The following PTPRD variants were observed in gnomAD, a reference collection of about 807,000 sequenced individuals.
PTPRD encodes the protein receptor-type tyrosine-protein phosphatase delta.
PTPRD carries 34 observed loss-of-function variants against 214.5 expected under a neutral mutation model. The ratio of observed to expected loss-of-function variants is 0.16; its 90% CI spans 0.12 to 0.21. The LOEUF (loss-of-function observed/expected upper bound fraction) is 0.21. Ranked by LOEUF, PTPRD falls within the 10% of genes least tolerant of loss-of-function variation. The probability of loss-of-function intolerance (pLI) is 1.00; values close to 1 mark genes in which losing one functional copy is unlikely to be tolerated. For synonymous variants in PTPRD, 1,128 were observed against 845.7 expected, an observed-to-expected ratio of 1.33 and a Z score of -5.79; for missense variants, 2,545 against 2,398.7, an observed-to-expected ratio of 1.06 and a Z score of -1.27.
chr9:10,079,039 C>T (rs994037350), intron 3 of PTPRD, among the ~76,000 whole-genome samples: 1 of 151,960 alleles, frequency 6.6e-6, no homozygotes, highest in African/African-American at 2.4e-5. Flanking sequence ...ATTATGTGCA[C>T]ATAACTTTCA....
intron 4 of PTPRD, among the ~76,000 whole-genome samples, chr9:9,965,656 T>A (rs925435255): frequency 6.6e-6 from 1 of 152,306 alleles, no homozygotes; most frequent in East Asian, 1.9e-4. Flanking sequence ...CTAAGAATTA[T>A]CTGGAGCCAC....
intron 3 of PTPRD, among the ~76,000 whole-genome samples, chr9:10,276,265 AT>A (rs1344472837): frequency 6.6e-6 from 1 of 152,228 alleles, no homozygotes; most frequent in Non-Finnish European, 1.5e-5. Context: ...GAAATGTCAC[AT>A]GTTCAGCTCA....
chr9:9,597,095 T>C (rs1479361139), intron 7 of PTPRD, among the ~76,000 whole-genome samples: 1 of 151,950 alleles, frequency 6.6e-6, no homozygotes, highest in Non-Finnish European at 1.5e-5. Flanking sequence ...CGAATGAAAG[T>C]AATCAGTGAG....
intron 5 of PTPRD, among the ~76,000 whole-genome samples, chr9:9,889,350 T>A (rs1341704939): frequency 2.0e-5 from 3 of 152,310 alleles, no homozygotes; most frequent in Non-Finnish European, 4.4e-5. Context: ...GTATATATGC[T>A]TCAAAACATC....
intron 7 of PTPRD, among the ~76,000 whole-genome samples, chr9:9,714,583 T>A (rs1234564106): frequency 6.6e-6 from 1 of 152,242 alleles, no homozygotes; most frequent in Non-Finnish European, 1.5e-5. Context: ...AGTAACCCTG[T>A]ATTTCTTTAG....
chr9:9,425,737 G>A lies in PTPRD; in HGVS notation c.-236-28255C>T, dbSNP rs554691930. 7.9e-5 allele frequency among the ~76,000 whole-genome samples: 12 copies of A among 152,112 alleles called. No homozygotes were observed. The South Asian group carries it at 2.5e-3, about 32-fold the overall frequency. ...AAAGGTAGCTTCTTGAGATATTTCT[G>A]CATACAGATTCAATTACATTTGGTT... is the stretch of plus-strand genomic sequence containing the variant. On this transcript the variant is annotated intron_variant, in intron 8 of 45. Coordinates refer to ENST00000381196, the MANE Select transcript of PTPRD (RefSeq NM_002839.4).
chr9:9,122,570 GT>G (rs2099818610), intron 10 of PTPRD, among the ~76,000 whole-genome samples: 2 of 152,118 alleles, frequency 1.3e-5, no homozygotes, highest in Non-Finnish European at 2.9e-5. Context: ...TTAGCTAAAT[GT>G]TTAAGAGGAT....
chr9:8,563,565 T>C (rs2087418803), intron 14 of PTPRD, among the ~76,000 whole-genome samples: 1 of 151,456 alleles, frequency 6.6e-6, no homozygotes, highest in Non-Finnish European at 1.5e-5. Flanking sequence ...GCCTCCTGAG[T>C]AGTTGGGACT....
At chr9:8,498,843 A>G (rs1053520214) in intron 25 of PTPRD, among the ~76,000 whole-genome samples, 2 of 152,158 alleles carry the variant, frequency 1.3e-5, no homozygotes, top group Admixed American at 1.3e-4. Context: ...GAAAATATGT[A>G]AAACTCAAGC....
At chr9:8,507,512 T>C in intron 21 of PTPRD, 78 bp from the exon 22 acceptor site, 1 of 1,569,766 alleles carries the variant, frequency 6.4e-7, no homozygotes, top group Admixed American at 1.7e-5. Context: ...CGTAACCTGC[T>C]TAAACCTTTC....
chr9:9,736,991 T>A (rs2098310248), intron 6 of PTPRD, among the ~76,000 whole-genome samples: 1 of 152,052 alleles, frequency 6.6e-6, no homozygotes, highest in Non-Finnish European at 1.5e-5. Flanking sequence ...CATAAAATAA[T>A]CATATATACA....
At chr9:9,980,341 G>A (rs955041201) in intron 4 of PTPRD, among the ~76,000 whole-genome samples, 1 of 151,678 alleles carries the variant, frequency 6.6e-6, no homozygotes, top group Non-Finnish European at 1.5e-5. Flanking sequence ...GGTTATGGTG[G>A]GTCACGCCTA....
chr9:9,572,670 T>C (rs1186255747), intron 8 of PTPRD, among the ~76,000 whole-genome samples: 2 of 149,580 alleles, frequency 1.3e-5, no homozygotes, highest in African/African-American at 2.4e-5. Flanking sequence ...ATGTATATTA[T>C]GTATGTATAA....
At chr9:8,424,253 T>C in intron 35 of PTPRD, among the ~76,000 whole-genome samples, 1 of 152,142 alleles carries the variant, frequency 6.6e-6, no homozygotes, top group Non-Finnish European at 1.5e-5. Context: ...TGACAACAAA[T>C]TTTCCATGGT....
chr9:10,162,688 T>A (rs903045102), intron 3 of PTPRD, among the ~76,000 whole-genome samples: 17 of 147,064 alleles, frequency 1.2e-4, no homozygotes, highest in African/African-American at 4.2e-4. Context: ...TGTATATATG[T>A]GTATATATAT....
intron 3 of PTPRD, among the ~76,000 whole-genome samples, chr9:10,150,814 G>T (rs1010639937): frequency 3.3e-5 from 5 of 151,930 alleles, no homozygotes; most frequent in African/African-American, 4.8e-5. Context: ...ATTTACTGTG[G>T]GTAGTAAGAT....
At chr9:10,164,515 T>C (rs1036243272) in intron 3 of PTPRD, among the ~76,000 whole-genome samples, 4 of 151,544 alleles carry the variant, frequency 2.6e-5, no homozygotes, top group East Asian at 1.9e-4. Context: ...GTATGGAAGA[T>C]CTAATTGAGT....
intron 11 of PTPRD, among the ~76,000 whole-genome samples, chr9:8,872,055 A>G (rs1173766430): frequency 6.6e-6 from 1 of 152,200 alleles, no homozygotes; most frequent in Non-Finnish European, 1.5e-5. Flanking sequence ...CTCATAGAAC[A>G]AACAGCTCAA....
chr9:9,937,205 C>T (rs2089824134), intron 5 of PTPRD, among the ~76,000 whole-genome samples: 2 of 150,672 alleles, frequency 1.3e-5, no homozygotes, highest in South Asian at 4.2e-4. Flanking sequence ...TGCACATGTA[C>T]CCTAAAACTT....
Sources: gnomAD v4.1 joint callset for allele counts (sites outside exome capture counted in the v4.1 genomes callset) on GRCh38, gnomAD v4.1.1 for gene constraint, MANE v1.5 for transcripts, NCBI Gene and HGNC (gene_info 2026-07-23, HGNC 2026-07-21) for gene names.